PARM1: variants seen among roughly 807,000 people sequenced by gnomAD.
PARM1 encodes WSC4, cell wall integrity and stress response component 4 homolog.
A neutral mutation model predicts 24.6 loss-of-function variants in PARM1; 14 were observed. The observed-to-expected ratio is 0.57, with a 90% confidence interval of 0.38 to 0.89. The LOEUF is 0.89. Among genes scored for constraint, PARM1 ranks in the 40% least tolerant of loss-of-function variants. PARM1 has a pLI of 0.00. For missense variants in PARM1, 362 were observed against 380.4 expected (o/e 0.95, Z 0.40); for synonymous variants, 179 against 156.6 (o/e 1.14, Z -1.07).
chr4:75,049,310 T>A lies in PARM1; in HGVS notation c.*3063T>A, dbSNP rs1299122208. ...CTCACAGATGTGTTGTGAGGATTAA[T>A]AAAATTATGTCTATGGTATTTTCAG... On this transcript the variant is annotated 3_prime_UTR_variant, in exon 4 of 4. Transcript: ENST00000307428. The A allele has an allele frequency of 6.6e-6, 1 of 152,214 alleles. No homozygotes were observed. Among genetic ancestry groups the A allele is most frequent in the Non-Finnish European group, 1.5e-5 (1 of 68,034 alleles). The allele number at this position is 152,214 out of a possible 1,614,324, so 9.4% of individuals were successfully genotyped here. A position where few individuals can be genotyped will look rare whatever the true frequency, so the allele number is the denominator to read the frequency against.
chr4:74,989,309 T>A (rs960973341), intron 1 of PARM1, among the ~76,000 whole-genome samples: 1 of 152,224 alleles, frequency 6.6e-6, no homozygotes, highest in Admixed American at 6.5e-5. Flanking sequence ...TTTATACTTC[T>A]GACCCACTGG....
chr4:75,023,041 G>A (rs139962025), intron 2 of PARM1, among the ~76,000 whole-genome samples: 1 of 152,092 alleles, frequency 6.6e-6, no homozygotes, highest in Non-Finnish European at 1.5e-5. Context: ...GCCTTCAAGG[G>A]GTAGACCAGA....
At chr4:74,937,186 T>C (rs899852751) in intron 1 of PARM1, among the ~76,000 whole-genome samples, 1 of 152,218 alleles carries the variant, frequency 6.6e-6, no homozygotes, top group Non-Finnish European at 1.5e-5. Context: ...ATATGTCAGC[T>C]TAGTAGCCTT....
chr4:75,042,252 G>C (rs985491322), intron 3 of PARM1, among the ~76,000 whole-genome samples: 4 of 152,166 alleles, frequency 2.6e-5, no homozygotes, highest in Non-Finnish European at 5.9e-5. Flanking sequence ...TAGAAGAAAA[G>C]TAGGACATAG....
intron 1 of PARM1, chr4:74,956,538 C>T (rs1216645504): frequency 2.0e-5 from 3 of 152,126 alleles, no homozygotes; most frequent in Non-Finnish European, 4.4e-5. Flanking sequence ...TGAAATCTTC[C>T]CCAGTTGTAA....
At position 75,049,777 on chromosome 4, in the gene PARM1, TC is replaced by T; in HGVS notation, c.*3533del. 6.6e-6 allele frequency: 1 copy of T among 152,616 alleles called. No homozygotes were observed. Among genetic ancestry groups the T allele is most frequent in the African/African-American group, 2.4e-5 (1 of 41,494 alleles). 9.5% of individuals were successfully genotyped at this position (152,616 alleles called of 1,614,324 possible). A position where few individuals can be genotyped will look rare whatever the true frequency, so the allele number is the denominator to read the frequency against. On this transcript the variant is annotated 3_prime_UTR_variant, in exon 4 of 4. Transcript: ENST00000307428. Reference sequence around the variant, plus strand: ...TTGCTTGCAAGTGTGCATGGTTCAATCCCTCACATCCAGGAAATGAATTTTG... The same window carrying T: ...TTGCTTGCAAGTGTGCATGGTTCAATCCTCACATCCAGGAAATGAATTTTG...
intron 1 of PARM1, among the ~76,000 whole-genome samples, chr4:74,944,608 C>T (rs147649821): frequency 6.6e-6 from 1 of 152,240 alleles, no homozygotes; most frequent in African/African-American, 2.4e-5. Flanking sequence ...CCTGATCTCT[C>T]ACCGGAAGGA....
intron 1 of PARM1, among the ~76,000 whole-genome samples, chr4:75,010,659 A>G (rs1414795768): frequency 6.6e-6 from 1 of 152,230 alleles, no homozygotes; most frequent in Non-Finnish European, 1.5e-5. Flanking sequence ...ATGAGATTAC[A>G]TAGGGAAGCA....
At chr4:75,043,292 A>G (rs1309336961) in intron 3 of PARM1, among the ~76,000 whole-genome samples, 1 of 152,234 alleles carries the variant, frequency 6.6e-6, no homozygotes, top group Non-Finnish European at 1.5e-5. Context: ...ATGTGCTTGT[A>G]TAAGATTTAT....
intron 1 of PARM1, among the ~76,000 whole-genome samples, chr4:75,009,324 T>A (rs763510244): frequency 2.0e-5 from 3 of 152,252 alleles, no homozygotes; most frequent in Non-Finnish European, 4.4e-5. Flanking sequence ...GTCAGCCAAG[T>A]GGCAAATGAT....
rs149821583 is a variant in PARM1, at chr4:75,048,838, G to A, written c.*2591G>A. On this transcript the variant is annotated 3_prime_UTR_variant, in exon 4 of 4. Transcript: ENST00000307428. ...AATTCTAACACTTCTTATCTTATGT[G>A]AGAATAAAATATTTAAGGGTTGAAC... 2.0e-5 allele frequency: 3 copies of A among 152,744 alleles called. No homozygotes were observed. The East Asian group carries it at 5.8e-4, about 29-fold the overall frequency. 9.5% of individuals were successfully genotyped at this position (152,744 alleles called of 1,614,324 possible).
chr4:74,935,643 C>G (rs543910388), intron 1 of PARM1, among the ~76,000 whole-genome samples: 1 of 152,118 alleles, frequency 6.6e-6, no homozygotes, highest in Non-Finnish European at 1.5e-5. Flanking sequence ...AACAATATTT[C>G]TGTAAAATTC....
At chr4:74,949,060 G>T (rs74781834) in intron 1 of PARM1, among the ~76,000 whole-genome samples, 6,232 of 152,018 alleles carry the variant, frequency 0.041, 405 homozygotes, top group African/African-American at 0.14. Flanking sequence ...AAAGGGCATT[G>T]TAATCACTTT....
intron 2 of PARM1, among the ~76,000 whole-genome samples, chr4:75,018,739 C>T (rs375044715): frequency 2.0e-4 from 31 of 152,206 alleles, no homozygotes; most frequent in Admixed American, 5.2e-4. Context: ...ATCCTCAGAA[C>T]GTTCCAGTGG....
Position 75,013,082 on chromosome 4 carries a change from T to C in PARM1, c.701T>C (p.Ile234Thr). 1 of 1,613,978 alleles carries C rather than the reference T, an allele frequency of 6.2e-7. No individual in the cohort carries two copies. Among genetic ancestry groups the C allele is most frequent in the Non-Finnish European group, 8.5e-7 (1 of 1,179,898 alleles). The change falls in exon 2 of 4, where the codon ATA becomes ACA. Residue 234 changes from isoleucine to threonine, a missense_variant. Coordinates refer to ENST00000307428, the MANE Select transcript of PARM1 (RefSeq NM_015393.4). ...TCAGGCAAAGTGATGTGTGAGCTCATAGACATGGAGACCACCACCACCTTT... is the reference window on the plus strand; with the variant it reads ...TCAGGCAAAGTGATGTGTGAGCTCACAGACATGGAGACCACCACCACCTTT... Reference protein sequence around the residue: ...TVSGKVMCELIDMETTTTFPR... With the variant: ...TVSGKVMCELTDMETTTTFPR...
chr4:75,036,667 T>A lies in PARM1; in HGVS notation c.848+2706T>A, dbSNP rs78649547. On this transcript the variant is annotated intron_variant, in intron 3 of 3. Transcript: ENST00000307428. ...CACAGTACTTACCATGTTTGGAAAA[T>A]TTTGTTAGCAGGCCATTACAATTTG... 1.4e-4 allele frequency among the ~76,000 whole-genome samples: 21 copies of A among 152,190 alleles called. No homozygotes were observed. The East Asian group carries it at 3.9e-3, about 28-fold the overall frequency.
intron 2 of PARM1, among the ~76,000 whole-genome samples, chr4:75,026,037 G>C (rs950454769): frequency 3.3e-5 from 5 of 152,312 alleles, no homozygotes; most frequent in Non-Finnish European, 5.9e-5. Context: ...TTTTGAGAGA[G>C]GAGTAATGGG....
chr4:75,003,381 A>G (rs1186665301), intron 1 of PARM1, among the ~76,000 whole-genome samples: 2 of 152,158 alleles, frequency 1.3e-5, no homozygotes, highest in African/African-American at 4.8e-5. Context: ...ATTCTTCACA[A>G]ATGTTATTCT....
At chr4:75,044,766 C>T (rs1723566271) in intron 3 of PARM1, among the ~76,000 whole-genome samples, 2 of 119,582 alleles carry the variant, frequency 1.7e-5, no homozygotes, top group Admixed American at 8.7e-5. Context: ...TTTAATTGGA[C>T]TTAACAGTTC....
Sources: gnomAD v4.1 joint callset for allele counts (sites outside exome capture counted in the v4.1 genomes callset) on GRCh38, gnomAD v4.1.1 for gene constraint, MANE v1.5 for transcripts, NCBI Gene and HGNC (gene_info 2026-07-23, HGNC 2026-07-21) for gene names.